Variants in CREB5 observed in about 807,000 individuals in gnomAD.
The protein encoded by CREB5 is cyclic AMP-responsive element-binding protein 5.
Under a neutral mutation model 57.1 loss-of-function variants are expected in CREB5, and 19 were observed. The observed-to-expected ratio is 0.33, with a 90% CI of 0.23 to 0.49. The LOEUF is 0.49. Among genes scored for constraint, CREB5 ranks in the 20% least tolerant of loss-of-function variants. The pLI, the probability that CREB5 is intolerant of heterozygous loss-of-function variation, is 0.99. For synonymous variants in CREB5, 238 were observed against 238.3 expected (o/e 1.00, Z 0.01); for missense variants, 579 against 671.6 (o/e 0.86, Z 1.52).
rs528883172 is a variant in CREB5 at position 28,498,509 on chromosome 7, G to A, written c.169+3510G>A. ...CACAGATATACTCTAAGTTTCCAAC[G>A]GGTTGAAAGATCAGAAATAATTTCA... is the stretch of plus-strand genomic sequence containing the variant. On this transcript the variant is annotated intron_variant, in intron 3 of 10. Coordinates refer to ENST00000357727, the MANE Select transcript of CREB5 (RefSeq NM_182898.4). Among the ~76,000 whole-genome samples, 6 of 152,254 alleles carry A rather than the reference G, an allele frequency of 3.9e-5. No individual in the cohort carries two copies. The East Asian group carries it at 5.8e-4, about 15-fold the overall frequency.
chr7:28,423,859 C>A (rs983009636), intron 1 of CREB5, among the ~76,000 whole-genome samples: 2 of 152,190 alleles, frequency 1.3e-5, no homozygotes, highest in Admixed American at 6.5e-5. Flanking sequence ...CCTCCCAGGG[C>A]GACCACATCT....
chr7:28,371,475 T>G (rs1786703880), intron 1 of CREB5, among the ~76,000 whole-genome samples: 1 of 124,084 alleles, frequency 8.1e-6, no homozygotes, highest in Non-Finnish European at 1.6e-5. Context: ...GGAGACAGAG[T>G]GAGACTACTC....
chr7:28,481,052 G>A (rs980733191), intron 1 of CREB5, among the ~76,000 whole-genome samples: 5 of 152,100 alleles, frequency 3.3e-5, no homozygotes, highest in East Asian at 1.9e-4. Flanking sequence ...CAGCATAAAC[G>A]CCACATAAAT....
At chr7:28,631,068 G>A (rs905285907) in intron 5 of CREB5, among the ~76,000 whole-genome samples, 7 of 152,116 alleles carry the variant, frequency 4.6e-5, no homozygotes, top group African/African-American at 1.7e-4. Flanking sequence ...ACCACTACAG[G>A]GTACCACCAG....
intron 7 of CREB5, among the ~76,000 whole-genome samples, chr7:28,764,748 TAGGTAATTG>T (rs1266890978): frequency 2.6e-5 from 4 of 152,238 alleles, no homozygotes; most frequent in Non-Finnish European, 5.9e-5. Context: ...TATGTTTTCA[TAGGTAATTG>T]AGGATTTAAT....
chr7:28,693,535 G>A (rs58236930), intron 5 of CREB5, among the ~76,000 whole-genome samples: 2,914 of 150,692 alleles, frequency 0.019, 98 homozygotes, highest in African/African-American at 0.066. Flanking sequence ...AAAAAAAAAA[G>A]AAAAAAAATG....
chr7:28,358,644 G>A (rs927463783), intron 1 of CREB5, among the ~76,000 whole-genome samples: 4 of 152,140 alleles, frequency 2.6e-5, no homozygotes, highest in East Asian at 1.9e-4. Flanking sequence ...ATCTGCAGCC[G>A]TCCTGCCTGG....
At position 28,316,372 on chromosome 7, in the gene CREB5, G is replaced by A. The variant is rs140764966; in HGVS notation, c.-25+16931G>A. 2.0e-5 allele frequency among the ~76,000 whole-genome samples: 3 copies of A among 152,198 alleles called. No individual in the cohort carries two copies. In the East Asian group the frequency reaches 5.8e-4, roughly 29 times the overall value. On this transcript the variant is annotated intron_variant, in intron 1 of 9. Transcript: ENST00000396299. ...TGGGAAAACCTGAGCCAAAAAGCTG[G>A]CCCGGGGACACTGCTGGGCCAGAAA...
At chr7:28,638,774 A>G (rs1447802446) in intron 5 of CREB5, among the ~76,000 whole-genome samples, 1 of 152,196 alleles carries the variant, frequency 6.6e-6, no homozygotes, top group Non-Finnish European at 1.5e-5. Flanking sequence ...TATATGAAAA[A>G]CCTGACAATC....
At chr7:28,740,899 G>A (rs889029999) in intron 7 of CREB5, among the ~76,000 whole-genome samples, 53 of 151,700 alleles carry the variant, frequency 3.5e-4, no homozygotes, top group African/African-American at 1.3e-3. Flanking sequence ...ATTTACTCAG[G>A]CAAAAAAATA....
intron 4 of CREB5, among the ~76,000 whole-genome samples, chr7:28,512,115 T>TG (rs1792730253): frequency 6.6e-6 from 1 of 150,826 alleles, no homozygotes; most frequent in African/African-American, 2.4e-5. Flanking sequence ...GTGGGAGGAG[T>TG]GGGTTTAAGG....
At chr7:28,391,594 A>G (rs115748011) in intron 1 of CREB5, among the ~76,000 whole-genome samples, 315 of 152,296 alleles carry the variant, frequency 2.1e-3, no homozygotes, top group African/African-American at 7.3e-3. Flanking sequence ...ATCTACTCCA[A>G]TTCTGATGGT....
At chr7:28,693,535 G>GA (rs200005137) in intron 5 of CREB5, among the ~76,000 whole-genome samples, 3 of 150,600 alleles carry the variant, frequency 2.0e-5, no homozygotes, top group Non-Finnish European at 3.0e-5. Context: ...AAAAAAAAAA[G>GA]AAAAAAAATG....
chr7:28,484,453 G>T (rs536180528), intron 1 of CREB5, among the ~76,000 whole-genome samples: 1 of 152,200 alleles, frequency 6.6e-6, no homozygotes, highest in East Asian at 1.9e-4. Flanking sequence ...ATTAGCAAGA[G>T]AATGCTGTTT....
At chr7:28,722,075 G>A (rs755372649) in intron 6 of CREB5, among the ~76,000 whole-genome samples, 1 of 152,174 alleles carries the variant, frequency 6.6e-6, no homozygotes, top group Non-Finnish European at 1.5e-5. Context: ...TTGACTCTAG[G>A]TCTATAAGAC....
intron 5 of CREB5, among the ~76,000 whole-genome samples, chr7:28,696,766 A>G (rs1313573547): frequency 7.1e-6 from 1 of 141,268 alleles, no homozygotes; most frequent in African/African-American, 2.6e-5. Context: ...ACATACACAC[A>G]TATACATATA....
At chr7:28,495,521 G>A (rs1292354461) in intron 3 of CREB5, among the ~76,000 whole-genome samples, 1 of 140,288 alleles carries the variant, frequency 7.1e-6, no homozygotes, top group Non-Finnish European at 1.5e-5. Context: ...CAGCCTGGGT[G>A]ACAGCAAAAC....
At chr7:28,309,187 C>T (rs979761251) in intron 1 of CREB5, among the ~76,000 whole-genome samples, 1 of 152,184 alleles carries the variant, frequency 6.6e-6, no homozygotes, top group African/African-American at 2.4e-5. Context: ...CCTCCATTAT[C>T]ATGTGAGACA....
intron 4 of CREB5, among the ~76,000 whole-genome samples, chr7:28,553,487 A>G (rs1468857231): frequency 6.6e-6 from 1 of 152,064 alleles, no homozygotes. Context: ...GTTCCTGTTT[A>G]TATGCACACA....
Sources: gnomAD v4.1 joint callset for allele counts (sites outside exome capture counted in the v4.1 genomes callset) on GRCh38, gnomAD v4.1.1 for gene constraint, MANE v1.5 for transcripts, NCBI Gene and HGNC (gene_info 2026-07-23, HGNC 2026-07-21) for gene names.